The following MLST8 variants were observed in gnomAD, a reference collection of about 807,000 sequenced individuals.
MLST8 encodes target of rapamycin complex subunit LST8.
MLST8 carries 20 observed loss-of-function variants against 41.3 expected under a neutral mutation model. That is an observed-to-expected ratio of 0.48 (90% CI 0.34 to 0.70). MLST8 has a LOEUF of 0.70. Ranked by LOEUF, MLST8 falls within the 30% of genes least tolerant of loss-of-function variation. MLST8 has a pLI of 0.01. For missense variants in MLST8, 422 were observed against 454.3 expected, an observed-to-expected ratio of 0.93 and a Z score of 0.65; for synonymous variants, 243 against 183.0, an observed-to-expected ratio of 1.33 and a Z score of -2.65.
chr16:2,208,443 C>T lies in MLST8; in HGVS notation c.699-7C>T, dbSNP rs764146611. 1.9e-6 allele frequency: 3 copies of T among 1,612,298 alleles called. No homozygotes were observed. Among genetic ancestry groups the T allele is most frequent in the South Asian group, 1.1e-5 (1 of 91,068 alleles). On this transcript the variant is annotated splice_polypyrimidine_tract_variant and splice_region_variant and intron_variant, in intron 7 of 8. Coordinates refer to ENST00000569417, the MANE Select transcript of MLST8 (RefSeq NM_022372.6). ...GCTGCTGGACACGCCCCATGCCCAC[C>T]CACTAGGCTCCTCGCCACCTGCTCG...
Position 2,209,437 on chromosome 16 carries a change from C to T in MLST8, c.*560C>T, listed in dbSNP as rs372557457. The stretch of plus-strand genomic sequence containing the variant: ...AGCAGATGTCGATGCAGAGATAAAT[C>T]AGCCGCTGTCTCCGGGGCCCTGTGG... On this transcript the variant is annotated 3_prime_UTR_variant, in exon 9 of 9. Transcript: ENST00000569417. 1.2e-6 allele frequency: 2 copies of T among 1,613,674 alleles called. No individual in the cohort carries two copies. The highest frequency in any genetic ancestry group is 2.7e-5 in the African/African-American group (2 of 74,942).
At chr16:2,206,444 T>A in intron 3 of MLST8, 35 bp downstream of exon 3, 1 of 1,613,770 alleles carries the variant, frequency 6.2e-7, no homozygotes, top group Non-Finnish European at 8.5e-7. Context: ...ACTCCTGAGC[T>A]CTGGTGGGTC....
intron 6 of MLST8, chr16:2,207,876 GC>G (rs1159333304): frequency 3.7e-6 from 1 of 272,096 alleles, no homozygotes; most frequent in Non-Finnish European, 6.9e-6. Context: ...TGTACCTCTT[GC>G]CCCCGGATTT....
chr16:2,208,914 G>A lies in MLST8; in HGVS notation c.*37G>A, dbSNP rs752590111. On this transcript the variant is annotated 3_prime_UTR_variant, in exon 9 of 9. Coordinates refer to ENST00000569417, the MANE Select transcript of MLST8 (RefSeq NM_022372.6). The stretch of plus-strand genomic sequence containing the variant: ...TCGGGACTGCCTGGTGCAGGTGGTG[G>A]CAGCTGGAGGGACCCATGCAGCACC... 2 of 1,604,106 alleles carry A rather than the reference G, an allele frequency of 1.2e-6. No homozygotes were observed. Among genetic ancestry groups the A allele is most frequent in the Non-Finnish European group, 1.7e-6 (2 of 1,175,580 alleles).
intron 2 of MLST8, 65 bp downstream of exon 2, chr16:2,206,279 G>A: frequency 1.2e-6 from 2 of 1,605,422 alleles, no homozygotes; most frequent in South Asian, 2.2e-5. Context: ...ACCACAGCCT[G>A]TGTGAAGGCC....
rs939076912 is a variant in MLST8, at chr16:2,209,025, G to T, written c.*148G>T. 2.0e-5 allele frequency: 17 copies of T among 848,294 alleles called. No homozygotes were observed. The African/African-American group carries it at 2.9e-4, about 14-fold the overall frequency. The allele number at this position is 848,294 out of a possible 1,614,324, so 52.5% of individuals were successfully genotyped here. A position where few individuals can be genotyped will look rare whatever the true frequency, so the allele number is the denominator to read the frequency against. On this transcript the variant is annotated 3_prime_UTR_variant, in exon 9 of 9. Coordinates refer to ENST00000569417, the MANE Select transcript of MLST8 (RefSeq NM_022372.6). Reference sequence around the variant, plus strand: ...GCGCCTTGACCTGCTGGGCCAGGCTGCCCTGGGACTCTCAGCCCCCAGTTG... The same window carrying T: ...GCGCCTTGACCTGCTGGGCCAGGCTTCCCTGGGACTCTCAGCCCCCAGTTG...
intron 8 of MLST8, 33 bp downstream of exon 8, chr16:2,208,646 C>A (rs755358283): frequency 6.2e-7 from 1 of 1,611,630 alleles, no homozygotes. Context: ...CCATCCCTGG[C>A]CCCCGGCGCT....
chr16:2,208,217 G>T lies in MLST8; in HGVS notation c.581G>T (p.Cys194Phe). The change falls in exon 7 of 9, where the codon TGC becomes TTC. Residue 194 changes from cysteine (C) to phenylalanine (F), a missense_variant. By Grantham distance (205) the Cys-to-Phe change is radical. Transcript: ENST00000569417. ...YMAAVNSTGN[C>F]YVWNLTGGIG... The stretch of plus-strand genomic sequence containing the variant: ...GGTCCTCCTGACCTCTAGGGAAACT[G>T]CTATGTCTGGAATCTGACGGGGGGC... 1 of 1,611,324 alleles carries T rather than the reference G, an allele frequency of 6.2e-7. No individual in the cohort carries two copies. Among genetic ancestry groups the T allele is most frequent in the Non-Finnish European group, 8.5e-7 (1 of 1,178,346 alleles).
chr16:2,206,432 A>G (rs753311232), intron 3 of MLST8, 23 bp downstream of exon 3: 1 of 1,614,034 alleles, frequency 6.2e-7, no homozygotes. Flanking sequence ...CTTGATCTCT[A>G]AACTCCTGAG....
chr16:2,205,855 G>C, intron 1 of MLST8, 176 bp from the exon 2 acceptor site: 1 of 1,306,344 alleles, frequency 7.7e-7, no homozygotes, highest in Non-Finnish European at 9.8e-7. Flanking sequence ...TGGAGCACGC[G>C]CCCTGGAGCC....
intron 6 of MLST8, chr16:2,207,784 G>A (rs1332759561): frequency 2.1e-5 from 5 of 234,992 alleles, no homozygotes; most frequent in South Asian, 7.7e-5. Context: ...GGCCTCGCCC[G>A]TAGGCTGCTG....
At chr16:2,206,905 C>A in intron 4 of MLST8, 130 bp from the exon 5 acceptor site, 2 of 1,271,426 alleles carry the variant, frequency 1.6e-6, no homozygotes, top group Non-Finnish European at 2.3e-6. Flanking sequence ...GCAGAGGGCC[C>A]TGCGTCCCAA....
chr16:2,207,002 G>T, intron 4 of MLST8, 33 bp from the exon 5 acceptor site: 1 of 1,611,208 alleles, frequency 6.2e-7, no homozygotes, highest in Non-Finnish European at 8.5e-7. Context: ...AACAAGCCCA[G>T]ATGGACAGCA....
rs774265809 is a variant in MLST8 at position 2,209,434 on chromosome 16, A to C, written c.*557A>C. ...GGAAGCAGATGTCGATGCAGAGATA[A>C]ATCAGCCGCTGTCTCCGGGGCCCTG... On this transcript the variant is annotated 3_prime_UTR_variant, in exon 9 of 9. Coordinates refer to ENST00000569417, the MANE Select transcript of MLST8 (RefSeq NM_022372.6). 1 of 1,613,638 alleles carries C rather than the reference A, an allele frequency of 6.2e-7. No homozygotes were observed. Among genetic ancestry groups the C allele is most frequent in the Admixed American group, 1.7e-5 (1 of 60,002 alleles).
intron 4 of MLST8, 129 bp downstream of exon 4, chr16:2,206,788 G>A (rs2093299685): frequency 8.8e-7 from 1 of 1,132,306 alleles, no homozygotes; most frequent in Non-Finnish European, 1.3e-6. Context: ...TGAGAGAAGT[G>A]AGGACAGGAG....
Position 2,208,579 on chromosome 16 carries a change from C to T in MLST8, c.828C>T (p.Cys276=), listed in dbSNP as rs760531079. 55 of 1,612,484 alleles carry T rather than the reference C, an allele frequency of 3.4e-5. No individual in the cohort carries two copies. The highest frequency in any genetic ancestry group is 1.8e-4 in the Admixed American group (11 of 59,912). ...CCTCCCGCGGCTGGATGTGGGGCTG[C>T]GCCTTCTCGGGGGACTCCCAGTACA... ...GESSRGWMWG[C]AFSGDSQYIV... The change falls in exon 8 of 9, where the codon TGC becomes TGT. Residue 276 remains cysteine, a synonymous_variant. Coordinates refer to ENST00000569417, the MANE Select transcript of MLST8 (RefSeq NM_022372.6).
At position 2,207,180 on chromosome 16, in the gene MLST8, C is replaced by T. The variant is rs780761564; in HGVS notation, c.421-13C>T. Reference sequence around the variant, plus strand: ...CTGGGCTTGGGCCCTGCCTCACCACCCCTGCACCCCAGGCAGAGCTCATCG... The same window carrying T: ...CTGGGCTTGGGCCCTGCCTCACCACTCCTGCACCCCAGGCAGAGCTCATCG... On this transcript the variant is annotated splice_polypyrimidine_tract_variant and intron_variant, in intron 5 of 8. Transcript: ENST00000569417. The T allele has an allele frequency of 6.2e-7, 1 of 1,613,504 alleles. No homozygotes were observed. Among genetic ancestry groups the T allele is most frequent in the Non-Finnish European group, 8.5e-7 (1 of 1,179,552 alleles).
chr16:2,208,773 C>T lies in MLST8; in HGVS notation c.877C>T (p.Leu293=). 1.2e-6 allele frequency: 2 copies of T among 1,614,014 alleles called. No individual in the cohort carries two copies. The highest frequency in any genetic ancestry group is 1.7e-6 in the Non-Finnish European group (2 of 1,179,928). The change falls in exon 9 of 9, where the codon CTG becomes TTG. Residue 293 remains leucine, a synonymous_variant. Transcript: ENST00000569417. ...QYIVTASSDN[L]ARLWCVETGE... is the part of the protein sequence containing the mutation. The stretch of plus-strand genomic sequence containing the variant: ...TCCCCCTCCAGCTTCCTCGGACAAC[C>T]TGGCCCGGCTCTGGTGTGTGGAGAC...
At position 2,209,398 on chromosome 16, in the gene MLST8, G is replaced by C. The variant is rs1371367405; in HGVS notation, c.*521G>C. Reference sequence around the variant, plus strand: ...GGTAATAAAAGCAGACCGACACGCAGATGTTGCTCGGGAAGCAGATGTCGA... The same window carrying C: ...GGTAATAAAAGCAGACCGACACGCACATGTTGCTCGGGAAGCAGATGTCGA... On this transcript the variant is annotated 3_prime_UTR_variant, in exon 9 of 9. Coordinates refer to ENST00000569417, the MANE Select transcript of MLST8 (RefSeq NM_022372.6). 1.2e-6 allele frequency: 2 copies of C among 1,613,860 alleles called. No homozygotes were observed. The highest frequency in any genetic ancestry group is 1.7e-6 in the Non-Finnish European group (2 of 1,179,972).
Sources: allele counts gnomAD v4.1 joint callset, GRCh38; gene constraint gnomAD v4.1.1; transcripts MANE v1.5; gene names NCBI Gene and HGNC (gene_info 2026-07-23, HGNC 2026-07-21).